ICA1: variants seen among roughly 807,000 people sequenced by gnomAD.
ICA1 encodes the protein islet cell autoantigen 1, also known as 69 kDa islet cell autoantigen.
Under a neutral mutation model 71.0 loss-of-function variants are expected in ICA1, and 40 were observed. The ratio of observed to expected loss-of-function variants is 0.56; its 90% confidence interval spans 0.44 to 0.73. ICA1 has a LOEUF of 0.73. Among genes scored for constraint, ICA1 ranks in the 30% least tolerant of loss-of-function variants. The pLI is 0.00. For synonymous variants in ICA1, 207 were observed against 209.5 expected (o/e 0.99, Z 0.10); for missense variants, 578 against 576.5 (o/e 1.00, Z -0.03).
At chr7:8,120,488 G>A (rs914464085) in intron 13 of ICA1, among the ~76,000 whole-genome samples, 78 of 152,298 alleles carry the variant, frequency 5.1e-4, no homozygotes, top group Non-Finnish European at 4.4e-5. Flanking sequence ...AGAACTTAGT[G>A]TTGCTAATAT....
At chr7:8,176,613 G>A (rs577331542) in intron 6 of ICA1, among the ~76,000 whole-genome samples, 5 of 152,294 alleles carry the variant, frequency 3.3e-5, no homozygotes, top group African/African-American at 9.6e-5. Context: ...ATGAAGAGAC[G>A]ATAGCAGAAT....
intron 6 of ICA1, among the ~76,000 whole-genome samples, chr7:8,170,197 A>T (rs1807783151): frequency 6.6e-6 from 1 of 151,778 alleles, no homozygotes; most frequent in African/African-American, 2.4e-5. Flanking sequence ...TATTATTCTG[A>T]TCTATATGTC....
rs551772694 is a variant in ICA1 at position 8,254,218 on chromosome 7, G to A, written c.-80+7876C>T. 1.9e-4 allele frequency among the ~76,000 whole-genome samples: 29 copies of A among 152,188 alleles called. 1 individual carries two copies. Among genetic ancestry groups the A allele is most frequent in the African/African-American group, 5.8e-4 (24 of 41,512 alleles). ...TGAACTATGCAGACACCAATATGTGGTTTATAAAATGTGTATGCTGTGCAC... is the reference window on the plus strand; with the variant it reads ...TGAACTATGCAGACACCAATATGTGATTTATAAAATGTGTATGCTGTGCAC... On this transcript the variant is annotated intron_variant, in intron 1 of 13. Transcript: ENST00000402384.
At chr7:8,256,204 A>T (rs572949127) in intron 1 of ICA1, among the ~76,000 whole-genome samples, 1 of 152,312 alleles carries the variant, frequency 6.6e-6, no homozygotes, top group African/African-American at 2.4e-5. Context: ...GTACCTGTCC[A>T]TTCCAATCTT....
intron 6 of ICA1, among the ~76,000 whole-genome samples, chr7:8,197,592 T>C (rs1454659914): frequency 1.4e-5 from 2 of 138,884 alleles, no homozygotes; most frequent in Non-Finnish European, 3.1e-5. Flanking sequence ...ATAATAATAA[T>C]AATAATAATA....
chr7:8,205,035 A>G (rs1791011670), intron 6 of ICA1, among the ~76,000 whole-genome samples: 1 of 145,172 alleles, frequency 6.9e-6, no homozygotes, highest in Non-Finnish European at 1.5e-5. Flanking sequence ...GTTTCACATC[A>G]TGACTTTTAG....
At chr7:8,152,044 A>G (rs1348586093) in intron 8 of ICA1, among the ~76,000 whole-genome samples, 2 of 152,150 alleles carry the variant, frequency 1.3e-5, no homozygotes, top group Non-Finnish European at 2.9e-5. Flanking sequence ...GGGAGGCCCT[A>G]CTGCCTTTCC....
intron 5 of ICA1, among the ~76,000 whole-genome samples, chr7:8,220,110 T>G (rs1228227625): frequency 6.6e-6 from 1 of 152,216 alleles, no homozygotes; most frequent in Non-Finnish European, 1.5e-5. Context: ...GAATATGTAT[T>G]TTTACATAGA....
rs147919660 is a variant in ICA1, at chr7:8,149,947, T to C, written c.805-5975A>G. ...TCATGGACATTTAGCACATACGTAC[T>C]CTCTTGCTCTCACCGTACACTTACA... On this transcript the variant is annotated intron_variant, in intron 8 of 13. Coordinates refer to ENST00000402384, the MANE Select transcript of ICA1 (RefSeq NM_001136020.3). Among the ~76,000 whole-genome samples the C allele has an allele frequency of 6.0e-4, 91 of 152,318 alleles. No individual in the cohort carries two copies. In the Middle Eastern group the frequency reaches 0.014, roughly 23 times the overall value.
chr7:8,232,224 ACCTG>A (rs1800472170), intron 3 of ICA1, among the ~76,000 whole-genome samples: 1 of 152,194 alleles, frequency 6.6e-6, no homozygotes, highest in Non-Finnish European at 1.5e-5. Context: ...ACGACGTTTT[ACCTG>A]AGTTCTTCTT....
intron 6 of ICA1, among the ~76,000 whole-genome samples, chr7:8,165,514 T>C (rs906873661): frequency 6.6e-5 from 10 of 152,114 alleles, no homozygotes; most frequent in African/African-American, 2.2e-4. Context: ...ATATTGGAAG[T>C]CCTAGCTTTG....
At chr7:8,126,173 T>C (rs10952087) in intron 13 of ICA1, among the ~76,000 whole-genome samples, 50,259 of 152,076 alleles carry the variant, frequency 0.33, 8,577 homozygotes, top group African/African-American at 0.39. Context: ...AACCATTCCC[T>C]GTGGTTAGTA....
intron 5 of ICA1, chr7:8,218,959 T>A (rs1252052584): frequency 8.8e-6 from 2 of 227,492 alleles, no homozygotes; most frequent in African/African-American, 4.5e-5. Flanking sequence ...TGCTGCTCAC[T>A]CCAATAGTCA....
chr7:8,163,552 G>C (rs1475313021), intron 6 of ICA1, among the ~76,000 whole-genome samples: 1 of 152,140 alleles, frequency 6.6e-6, no homozygotes, highest in Non-Finnish European at 1.5e-5. Context: ...ACTATGAACT[G>C]AGTGAGGTAC....
chr7:8,236,090 A>T (rs1307346388), intron 1 of ICA1, 85 bp from the exon 2 acceptor site: 5 of 673,596 alleles, frequency 7.4e-6, no homozygotes, highest in Non-Finnish European at 1.2e-5. Flanking sequence ...CTTCAACCTA[A>T]GCCATTTCTA....
At position 8,139,043 on chromosome 7, in the gene ICA1, T is replaced by C. The variant is rs1395445365; in HGVS notation, c.960A>G (p.Glu320=). The change falls in exon 11 of 14, where the codon GAA becomes GAG. Residue 320 remains glutamate (E), a synonymous_variant. Transcript: ENST00000402384. ...AGGCAGATAAAATACTTTTTCCATC[T>C]TCAGCTGTAATATAACATGTGCAAC... ...QRKESSSFKT[E]DGKSILSALD... 6.2e-7 allele frequency: 1 copy of C among 1,612,728 alleles called. No homozygotes were observed. Among genetic ancestry groups the C allele is most frequent in the Non-Finnish European group, 8.5e-7 (1 of 1,178,806 alleles).
intron 1 of ICA1, among the ~76,000 whole-genome samples, chr7:8,246,388 A>G (rs1423764066): frequency 6.6e-6 from 1 of 152,206 alleles, no homozygotes; most frequent in African/African-American, 2.4e-5. Context: ...CAACCTGGGG[A>G]GTGTGGGAAT....
At chr7:8,212,484 G>A (rs535604748) in intron 6 of ICA1, among the ~76,000 whole-genome samples, 1 of 62,532 alleles carries the variant, frequency 1.6e-5, no homozygotes, top group African/African-American at 7.3e-5. Context: ...AGAAATGCTT[G>A]AACCTGGGAA....
chr7:8,149,939 A>G (rs552493873), intron 8 of ICA1, among the ~76,000 whole-genome samples: 13 of 152,352 alleles, frequency 8.5e-5, no homozygotes, highest in Non-Finnish European at 1.5e-4. Flanking sequence ...CATTTAGCAC[A>G]TACGTACTCT....
Sources: allele counts gnomAD v4.1 joint callset (sites outside exome capture counted in the v4.1 genomes callset), GRCh38; gene constraint gnomAD v4.1.1; transcripts MANE v1.5; gene names NCBI Gene and HGNC (gene_info 2026-07-23, HGNC 2026-07-21).